ADM: variants seen among roughly 807,000 people sequenced by gnomAD.
ADM encodes the protein pro-adrenomedullin.
Under a neutral mutation model 9.0 loss-of-function variants are expected in ADM, and 4 were observed. The observed-to-expected ratio is 0.44, with a 90% CI of 0.22 to 1.02. The LOEUF is 1.02. ADM is among the 50% of genes least tolerant of loss of function. The probability of loss-of-function intolerance (pLI) is 0.24; values close to 1 mark genes in which losing one functional copy is unlikely to be tolerated. For missense variants in ADM, 253 were observed against 254.1 expected, an observed-to-expected ratio of 1.00 and a Z score of 0.03; for synonymous variants, 107 against 107.2, an observed-to-expected ratio of 1.00 and a Z score of 0.01.
chr11:10,306,485 C>T lies in ADM; in HGVS notation c.402C>T (p.Asn134=). 1 of 1,613,506 alleles carries T rather than the reference C, an allele frequency of 6.2e-7. No individual in the cohort carries two copies. Among genetic ancestry groups the T allele is most frequent in the South Asian group, 1.1e-5 (1 of 91,038 alleles). ...IYQFTDKDKD[N]VAPRSKISPQ... is the part of the protein sequence containing the mutation. Reference sequence around the variant, plus strand: ...AGTTCACAGATAAGGACAAGGACAACGTCGCCCCCAGGAGCAAGATCAGCC... The same window carrying T: ...AGTTCACAGATAAGGACAAGGACAATGTCGCCCCCAGGAGCAAGATCAGCC... The change falls in exon 4 of 4, where the codon AAC becomes AAT. Residue 134 remains asparagine, a synonymous_variant. Coordinates refer to ENST00000278175, the MANE Select transcript of ADM (RefSeq NM_001124.3).
Position 10,306,567 on chromosome 11 carries a change from A to G in ADM, c.484A>G (p.Thr162Ala), listed in dbSNP as rs1183124131. ...CCTGCCCGAGGCCGGCCCGGGTCGG[A>G]CTCTGGTGTCTTCTAAGCCACAAGC... ...RSLPEAGPGR[T>A]LVSSKPQAHG... Residue 162 changes from threonine (T) to alanine (A), a missense_variant, in exon 4 of 4, where the codon ACT (threonine) becomes GCT (alanine). Thr to Ala is a moderately conservative substitution (Grantham distance 58, BLOSUM62 0). Transcript: ENST00000278175. 1 of 1,611,626 alleles carries G rather than the reference A, an allele frequency of 6.2e-7. No homozygotes were observed. The highest frequency in any genetic ancestry group is 1.7e-5 in the Admixed American group (1 of 59,894).
rs763215841 is a variant in ADM at position 10,306,524 on chromosome 11, C to T, written c.441C>T (p.Gly147=). ...GCAAGATCAGCCCCCAGGGCTACGG[C>T]CGCCGGCGCCGGCGCTCCCTGCCCG... The part of the protein sequence containing the change: ...PRSKISPQGY[G]RRRRRSLPEA... The change falls in exon 4 of 4, where the codon GGC becomes GGT. Residue 147 remains glycine, a synonymous_variant. Coordinates refer to ENST00000278175, the MANE Select transcript of ADM (RefSeq NM_001124.3). The T allele has an allele frequency of 6.2e-7, 1 of 1,612,206 alleles. No individual in the cohort carries two copies. Among genetic ancestry groups the T allele is most frequent in the East Asian group, 2.2e-5 (1 of 44,822 alleles).
chr11:10,307,332 G>A lies in ADM; in HGVS notation c.*691G>A, dbSNP rs1021646099. The A allele has an allele frequency of 1.3e-5, 2 of 152,644 alleles. No individual in the cohort carries two copies. The highest frequency in any genetic ancestry group is 2.9e-5 in the Non-Finnish European group (2 of 68,036). The allele number at this position is 152,644 out of a possible 1,614,324, so 9.5% of individuals were successfully genotyped here. On this transcript the variant is annotated 3_prime_UTR_variant, in exon 4 of 4. Transcript: ENST00000278175. This position sits in a 1 kb window ranked among gnomAD's most constrained non-coding sequence, Gnocchi z 4.5. ...TGGAAGAAGGAAACACCGAGTCTCT[G>A]TATAATCTATTTACATAAAATGGGT...
Position 10,306,086 on chromosome 11 carries a change from G to T in ADM, c.236G>T (p.Ser79Ile), listed in dbSNP as rs1280416552. 1 of 1,613,804 alleles carries T rather than the reference G, an allele frequency of 6.2e-7. No homozygotes were observed. Among genetic ancestry groups the T allele is most frequent in the Non-Finnish European group, 8.5e-7 (1 of 1,180,012 alleles). Residue 79 changes from serine (S) to isoleucine (I), a missense_variant, in exon 3 of 4, where the codon AGC becomes ATC. Coordinates refer to ENST00000278175, the MANE Select transcript of ADM (RefSeq NM_001124.3). ...CAGGACATGAAGGGTGCCTCTCGAA[G>T]CCCCGAAGACAGGTAACTACGCCCT... ...RPQDMKGASR[S>I]PEDSSPDAAR...
intron 3 of ADM, 42 bp from the exon 4 acceptor site, chr11:10,306,289 TG>T: frequency 6.3e-7 from 1 of 1,598,712 alleles, no homozygotes; most frequent in Non-Finnish European, 8.5e-7. Flanking sequence ...CTCTGCTTGA[TG>T]GGGTCTCAAG....
Position 10,306,030 on chromosome 11 carries a change from G to A in ADM, c.180G>A (p.Lys60=). 1.2e-6 allele frequency: 2 copies of A among 1,614,098 alleles called. No individual in the cohort carries two copies. Among genetic ancestry groups the A allele is most frequent in the Non-Finnish European group, 1.7e-6 (2 of 1,180,026 alleles). ...ACCCCACCGGGCTCGCTGACGTGAA[G>A]GCCGGGCCTGCCCAGACCCTTATTC... ...SSYPTGLADV[K]AGPAQTLIRP... The change falls in exon 3 of 4, where the codon AAG becomes AAA. Residue 60 remains lysine (K), a synonymous_variant. Coordinates refer to ENST00000278175, the MANE Select transcript of ADM (RefSeq NM_001124.3).
At chr11:10,305,619 C>A (rs901993435) in intron 1 of ADM, 61 bp from the exon 2 acceptor site, 65 of 1,481,168 alleles carry the variant, frequency 4.4e-5, no homozygotes, top group Non-Finnish European at 5.8e-5. Context: ...CCCTCCGTGC[C>A]CCGCCCGGGC....
intron 3 of ADM, 115 bp downstream of exon 3, chr11:10,306,213 G>A: frequency 6.5e-7 from 1 of 1,534,922 alleles, no homozygotes. Flanking sequence ...CAGCTCAGAT[G>A]GCGCGAGCAG....
rs771749755 is a variant in ADM, at chr11:10,306,537, C to G, written c.454C>G (p.Arg152Gly). Residue 152 changes from arginine to glycine, a missense_variant, in exon 4 of 4, where the codon CGC becomes GGC. By Grantham distance (125) the Arg-to-Gly change is moderately radical. Coordinates refer to ENST00000278175, the MANE Select transcript of ADM (RefSeq NM_001124.3). ...SPQGYGRRRRRSLPEAGPGRT... is the reference protein window; with the variant it reads ...SPQGYGRRRRGSLPEAGPGRT... ...CCAGGGCTACGGCCGCCGGCGCCGG[C>G]GCTCCCTGCCCGAGGCCGGCCCGGG... is the stretch of plus-strand genomic sequence containing the variant. The G allele has an allele frequency of 6.2e-7, 1 of 1,612,146 alleles. No individual in the cohort carries two copies. Among genetic ancestry groups the G allele is most frequent in the Non-Finnish European group, 8.5e-7 (1 of 1,179,352 alleles).
chr11:10,307,066 T>A lies in ADM; in HGVS notation c.*425T>A. ...ACCTAAAGAGGAAAAGTGCAATGCG[T>A]GTTGTACATACAGAGGTAACTATCA... On this transcript the variant is annotated 3_prime_UTR_variant, in exon 4 of 4. Coordinates refer to ENST00000278175, the MANE Select transcript of ADM (RefSeq NM_001124.3). The surrounding 1 kb of genome is among the most constrained non-coding windows in gnomAD (Gnocchi z 4.5). 6.0e-6 allele frequency: 1 copy of A among 165,592 alleles called. No homozygotes were observed. The highest frequency in any genetic ancestry group is 1.3e-5 in the Non-Finnish European group (1 of 77,042). 10.3% of individuals were successfully genotyped at this position (165,592 alleles called of 1,614,324 possible).
chr11:10,306,730 C>A lies in ADM; in HGVS notation c.*89C>A. ...AAGGACTTCCCGAGCGGTGTGGGGA[C>A]CGGGCTCTGACAGCCCTGCGGAGAC... On this transcript the variant is annotated 3_prime_UTR_variant, in exon 4 of 4. Coordinates refer to ENST00000278175, the MANE Select transcript of ADM (RefSeq NM_001124.3). 7.3e-7 allele frequency: 1 copy of A among 1,377,226 alleles called. No homozygotes were observed. The highest frequency in any genetic ancestry group is 9.7e-7 in the Non-Finnish European group (1 of 1,027,342). 85.3% of individuals were successfully genotyped at this position (1,377,226 alleles called of 1,614,324 possible).
At chr11:10,305,889 C>T (rs1964649693) in intron 2 of ADM, 60 bp from the exon 3 acceptor site, 30 of 1,611,852 alleles carry the variant, frequency 1.9e-5, no homozygotes, top group South Asian at 7.7e-5. Flanking sequence ...TGAATGGGAG[C>T]AGGGACAGGC....
At chr11:10,305,551 TAAGC>T in intron 1 of ADM, 125 bp from the exon 2 acceptor site, 1 of 727,222 alleles carries the variant, frequency 1.4e-6, no homozygotes, top group South Asian at 1.8e-5. Flanking sequence ...CGGAGGGAGA[TAAGC>T]GTCTGAGCCA....
At chr11:10,306,172 C>A in intron 3 of ADM, 74 bp downstream of exon 3, 1 of 1,575,266 alleles carries the variant, frequency 6.3e-7, no homozygotes, top group South Asian at 1.1e-5. Context: ...TCTCCACTCC[C>A]CTGGCCCGGG....
In ADM at chr11:10,306,090, C is replaced by G. The variant is rs371567763; in HGVS notation, c.240C>G (p.Pro80=). The G allele has an allele frequency of 3.2e-5, 52 of 1,613,684 alleles. No individual in the cohort carries two copies. Among genetic ancestry groups the G allele is most frequent in the South Asian group, 1.4e-4 (13 of 91,072 alleles). Residue 80 remains proline, a synonymous_variant, in exon 3 of 4, where the codon CCC becomes CCG. Coordinates refer to ENST00000278175, the MANE Select transcript of ADM (RefSeq NM_001124.3). ...PQDMKGASRS[P]EDSSPDAARI... is the part of the protein sequence containing the mutation. The stretch of plus-strand genomic sequence containing the variant: ...ACATGAAGGGTGCCTCTCGAAGCCC[C>G]GAAGACAGGTAACTACGCCCTGTGC...
intron 3 of ADM, 87 bp downstream of exon 3, chr11:10,306,185 A>T: frequency 6.4e-7 from 1 of 1,557,186 alleles, no homozygotes; most frequent in East Asian, 2.3e-5. Context: ...GGCCCGGGGG[A>T]TCGTCGGGGC....
rs1425597034 is a variant in ADM at position 10,307,258 on chromosome 11, T to C, written c.*617T>C. On this transcript the variant is annotated 3_prime_UTR_variant, in exon 4 of 4. Transcript: ENST00000278175. This position sits in a 1 kb window ranked among gnomAD's most constrained non-coding sequence, Gnocchi z 4.5. ...GTGTAAAGTTGTTCGCCGCGTGGAA[T>C]GTGAGTGTGTTTGTGTGCATGAAAG... The C allele has an allele frequency of 6.5e-6, 1 of 152,682 alleles. No individual in the cohort carries two copies. The highest frequency in any genetic ancestry group is 1.5e-5 in the Non-Finnish European group (1 of 68,056). The allele number at this position is 152,682 out of a possible 1,614,324, so 9.5% of individuals were successfully genotyped here.
chr11:10,305,779 G>C lies in ADM; in HGVS notation c.79G>C (p.Ala27Pro), dbSNP rs772717944. The C allele has an allele frequency of 6.2e-7, 1 of 1,614,162 alleles. No individual in the cohort carries two copies. The highest frequency in any genetic ancestry group is 1.1e-5 in the South Asian group (1 of 91,086). The change falls in exon 2 of 4, where the codon GCG (alanine) becomes CCG (proline). Residue 27 changes from alanine (A) to proline (P), a missense_variant. Coordinates refer to ENST00000278175, the MANE Select transcript of ADM (RefSeq NM_001124.3). ...CGCTGACACCGCTCGGTTGGATGTC[G>C]CGTCGGAGTTTCGAAAGAAGTGAGT... Reference protein sequence around the residue: ...LGADTARLDVASEFRKKWNKW... With the variant: ...LGADTARLDVPSEFRKKWNKW...
intron 3 of ADM, 84 bp downstream of exon 3, chr11:10,306,182 G>C: frequency 6.4e-7 from 1 of 1,559,522 alleles, no homozygotes; most frequent in Non-Finnish European, 8.7e-7. Flanking sequence ...CCTGGCCCGG[G>C]GGATCGTCGG....
Sources: gnomAD v4.1 joint callset for allele counts on GRCh38, gnomAD v4.1.1 for gene constraint, Gnocchi (gnomAD v3.1) non-coding constraint, MANE v1.5 for transcripts, NCBI Gene and HGNC (gene_info 2026-07-23, HGNC 2026-07-21) for gene names.